Variants in SUPT3H observed in about 807,000 individuals in gnomAD.
SUPT3H encodes transcription initiation protein SPT3 homolog.
In SUPT3H, 44 loss-of-function variants were observed where a neutral mutation model predicts 44.3. The ratio of observed to expected loss-of-function variants is 0.99; its 90% CI spans 0.78 to 1.28. SUPT3H has a LOEUF of 1.28. SUPT3H is among the 50% of genes most tolerant of loss of function. The pLI, the probability that SUPT3H is intolerant of heterozygous loss-of-function variation, is 0.00. For synonymous variants in SUPT3H, 124 were observed against 125.6 expected (o/e 0.99, Z 0.09); for missense variants, 380 against 387.1 (o/e 0.98, Z 0.15).
intron 3 of SUPT3H, among the ~76,000 whole-genome samples, chr6:45,036,851 T>C (rs570696544): frequency 1.5e-4 from 23 of 152,004 alleles, no homozygotes; most frequent in Non-Finnish European, 3.1e-4. Context: ...AGAAGTAAGA[T>C]AGGACATAGG....
In SUPT3H at chr6:45,279,814, G is replaced by A. The variant is rs770781787; in HGVS notation, c.101+85387C>T. 3.9e-5 allele frequency among the ~76,000 whole-genome samples: 6 copies of A among 152,064 alleles called. 1 individual carries two copies. Among genetic ancestry groups the A allele is most frequent in the South Asian group, 2.1e-4 (1 of 4,806 alleles). On this transcript the variant is annotated intron_variant, in intron 2 of 10. Coordinates refer to ENST00000371459, the MANE Select transcript of SUPT3H (RefSeq NM_003599.4). The stretch of plus-strand genomic sequence containing the variant: ...TCATATTGATAGAGCTGTTATATCC[G>A]GTCCAGAAATCTCTCCAGACTCACA...
chr6:44,988,996 T>G (rs1780226925), intron 6 of SUPT3H, among the ~76,000 whole-genome samples: 1 of 152,196 alleles, frequency 6.6e-6, no homozygotes, highest in South Asian at 2.1e-4. Flanking sequence ...AGATGTCTCA[T>G]GCCTCAGAGA....
chr6:45,062,308 A>G (rs984267129), intron 3 of SUPT3H, among the ~76,000 whole-genome samples: 4 of 152,218 alleles, frequency 2.6e-5, no homozygotes, highest in Non-Finnish European at 5.9e-5. Context: ...ACACTGTACT[A>G]AATTCTAGTT....
chr6:45,034,838 G>C (rs987081859), intron 3 of SUPT3H, among the ~76,000 whole-genome samples: 6 of 152,078 alleles, frequency 3.9e-5, no homozygotes, highest in African/African-American at 1.4e-4. Flanking sequence ...ATCTGTAGTT[G>C]AGAACAGCTA....
intron 2 of SUPT3H, among the ~76,000 whole-genome samples, chr6:45,303,055 T>C (rs576815204): frequency 1.3e-5 from 2 of 152,290 alleles, no homozygotes; most frequent in Non-Finnish European, 2.9e-5. Flanking sequence ...TTGGGATAAC[T>C]GGCAAGCCAC....
chr6:45,113,476 T>C (rs984979567), intron 2 of SUPT3H, among the ~76,000 whole-genome samples: 7 of 152,194 alleles, frequency 4.6e-5, no homozygotes, highest in Admixed American at 6.5e-5. Context: ...CCACCTGTTT[T>C]CAAAGGAAGA....
At chr6:45,266,000 A>G (rs1379997746) in intron 2 of SUPT3H, among the ~76,000 whole-genome samples, 1 of 152,144 alleles carries the variant, frequency 6.6e-6, no homozygotes. Context: ...GTTGCCTCAC[A>G]TTAGAATCCT....
At chr6:45,377,607 G>C (rs1288764915) in intron 1 of SUPT3H, among the ~76,000 whole-genome samples, 161 bp downstream of exon 1, 1 of 152,082 alleles carries the variant, frequency 6.6e-6, no homozygotes, top group East Asian at 1.9e-4. Flanking sequence ...TCAACACTCC[G>C]GCGTAGACCA....
chr6:45,069,721 C>T (rs1013708101), intron 3 of SUPT3H, among the ~76,000 whole-genome samples: 2 of 152,094 alleles, frequency 1.3e-5, no homozygotes, highest in African/African-American at 4.8e-5. Flanking sequence ...CATAGATTAA[C>T]TCAACAAAAT....
At chr6:44,991,698 A>T (rs1780639269) in intron 6 of SUPT3H, among the ~76,000 whole-genome samples, 1 of 152,112 alleles carries the variant, frequency 6.6e-6, no homozygotes, top group Non-Finnish European at 1.5e-5. Context: ...AAACAGCTTG[A>T]TTTGCACATT....
intron 2 of SUPT3H, among the ~76,000 whole-genome samples, chr6:45,300,777 T>C (rs1335597757): frequency 6.6e-6 from 1 of 152,156 alleles, no homozygotes; most frequent in Non-Finnish European, 1.5e-5. Context: ...ATCGCAGATT[T>C]TTTAAAGGGC....
chr6:45,112,972 T>C (rs1463131428), intron 2 of SUPT3H, among the ~76,000 whole-genome samples: 1 of 123,218 alleles, frequency 8.1e-6, no homozygotes, highest in African/African-American at 3.5e-5. Context: ...CTTTTTTTTT[T>C]TTTTTTAATT....
intron 3 of SUPT3H, among the ~76,000 whole-genome samples, chr6:45,083,197 TA>T (rs1332727836): frequency 4.0e-5 from 6 of 149,572 alleles, no homozygotes; most frequent in African/African-American, 1.5e-4. Flanking sequence ...TTATTATTAT[TA>T]TTATTATTTT....
chr6:44,957,270 G>A (rs1582748295), intron 7 of SUPT3H, among the ~76,000 whole-genome samples: 1 of 152,160 alleles, frequency 6.6e-6, no homozygotes, highest in East Asian at 1.9e-4. Context: ...AATAAATCAT[G>A]GAAAACATTA....
At chr6:44,841,346 G>C (rs1279430788) in intron 10 of SUPT3H, among the ~76,000 whole-genome samples, 1 of 152,146 alleles carries the variant, frequency 6.6e-6, no homozygotes, top group Admixed American at 6.5e-5. Context: ...TACTGTTCAA[G>C]TTTAGGTAAT....
chr6:45,068,080 T>C (rs1475681489), intron 3 of SUPT3H, among the ~76,000 whole-genome samples: 1 of 141,056 alleles, frequency 7.1e-6, no homozygotes, highest in Non-Finnish European at 1.5e-5. Flanking sequence ...CCAACAATGA[T>C]AGACTGGATT....
chr6:45,199,156 ATTTC>A (rs1381734943), intron 2 of SUPT3H, among the ~76,000 whole-genome samples: 1 of 151,304 alleles, frequency 6.6e-6, no homozygotes, highest in African/African-American at 2.4e-5. Context: ...AAATACACCT[ATTTC>A]TTAAGATCTA....
intron 10 of SUPT3H, among the ~76,000 whole-genome samples, chr6:44,860,424 G>T (rs1216430654): frequency 6.6e-6 from 1 of 152,182 alleles, no homozygotes; most frequent in Non-Finnish European, 1.5e-5. Context: ...ATCACAGACT[G>T]TAGGAGCTCG....
intron 5 of SUPT3H, among the ~76,000 whole-genome samples, chr6:45,007,892 T>C (rs1782943436): frequency 6.6e-6 from 1 of 152,166 alleles, no homozygotes; most frequent in Non-Finnish European, 1.5e-5. Context: ...TCCATCTCTT[T>C]AGATTTGCCT....
Sources: allele counts gnomAD v4.1 joint callset (sites outside exome capture counted in the v4.1 genomes callset), GRCh38; gene constraint gnomAD v4.1.1; transcripts MANE v1.5; gene names NCBI Gene and HGNC (gene_info 2026-07-23, HGNC 2026-07-21).